Variants in KDM3B observed in about 807,000 individuals in gnomAD.
KDM3B encodes the protein lysine demethylase 3B.
Under a neutral mutation model 170.0 loss-of-function variants are expected in KDM3B, and 10 were observed. That is an observed-to-expected ratio of 0.06 (90% CI 0.04 to 0.10). KDM3B has a LOEUF of 0.10. Among genes scored for constraint, KDM3B ranks in the 10% least tolerant of loss-of-function variants. KDM3B has a pLI of 1.00. For synonymous variants in KDM3B, 831 were observed against 834.8 expected (o/e 1.00, Z 0.08); for missense variants, 1,394 against 2,195.2 (o/e 0.64, Z 7.29).
At chr5:138,392,366 ATC>A in intron 8 of KDM3B, 105 bp downstream of exon 8, 4 of 1,191,712 alleles carry the variant, frequency 3.4e-6, no homozygotes, top group Non-Finnish European at 4.4e-6. Context: ...GAGTTCTGTA[ATC>A]TCATAGAATT....
chr5:138,392,266 T>G lies in KDM3B; in HGVS notation c.2629+5T>G, dbSNP rs1387343192. The G allele has an allele frequency of 6.7e-7, 1 of 1,485,544 alleles. No individual in the cohort carries two copies. Among genetic ancestry groups the G allele is most frequent in the Non-Finnish European group, 9.0e-7 (1 of 1,116,148 alleles). The allele number at this position is 1,485,544 out of a possible 1,614,324, so 92.0% of individuals were successfully genotyped here. A position where few individuals can be genotyped will look rare whatever the true frequency, so the allele number is the denominator to read the frequency against. On this transcript the variant is annotated splice_donor_5th_base_variant and intron_variant, in intron 8 of 23. Transcript: ENST00000314358. ...CTCGGACTGCCCCCCTGAAAGGTGA[T>G]CCTGCTGGGGCTATATTTGGGCTTT... is the stretch of plus-strand genomic sequence containing the variant.
chr5:138,387,219 G>A (rs912461895), intron 7 of KDM3B, among the ~76,000 whole-genome samples: 5 of 152,030 alleles, frequency 3.3e-5, no homozygotes, highest in African/African-American at 1.2e-4. Context: ...TGCATATATT[G>A]TTGCTAAAAT....
chr5:138,408,402 AAG>A (rs1762879513), intron 11 of KDM3B, among the ~76,000 whole-genome samples: 1 of 139,680 alleles, frequency 7.2e-6, no homozygotes, highest in African/African-American at 2.5e-5. Context: ...AAAAAAAAAA[AAG>A]AAAGAAATTG....
chr5:138,435,828 T>A lies in KDM3B; in HGVS notation c.*128T>A, dbSNP rs1580969168. 4 of 700,866 alleles carry A rather than the reference T, an allele frequency of 5.7e-6. No individual in the cohort carries two copies. The highest frequency in any genetic ancestry group is 9.8e-6 in the Non-Finnish European group (4 of 406,466). The allele number at this position is 700,866 out of a possible 1,614,324, so 43.4% of individuals were successfully genotyped here. On this transcript the variant is annotated 3_prime_UTR_variant, in exon 24 of 24. Transcript: ENST00000314358. ...AGCCAGTGTGGTCAGTATTCCAAAC[T>A]CTCCAGCCACTCTCTTCTACGCTGC...
intron 14 of KDM3B, 51 bp downstream of exon 14, chr5:138,419,283 T>C (rs754812178): frequency 6.4e-7 from 1 of 1,559,238 alleles, no homozygotes; most frequent in South Asian, 1.2e-5. Context: ...TCATGAGTTT[T>C]TTCCAGGATT....
chr5:138,413,305 C>T (rs944582639), intron 11 of KDM3B, among the ~76,000 whole-genome samples: 1 of 151,776 alleles, frequency 6.6e-6, no homozygotes, highest in African/African-American at 2.4e-5. Context: ...ATTGCTTGAA[C>T]CGGGGAGGCA....
At chr5:138,416,854 C>T (rs148023826) in intron 12 of KDM3B, among the ~76,000 whole-genome samples, 1 of 152,018 alleles carries the variant, frequency 6.6e-6, no homozygotes, top group Non-Finnish European at 1.5e-5. Flanking sequence ...GGAGTCTCAC[C>T]CTGTTGCCCA....
At chr5:138,423,030 C>T (rs1370244096) in intron 15 of KDM3B, among the ~76,000 whole-genome samples, 1 of 152,140 alleles carries the variant, frequency 6.6e-6, no homozygotes, top group Non-Finnish European at 1.5e-5. Flanking sequence ...GCCTCCACTT[C>T]CCAGGTTCAA....
chr5:138,388,345 A>C (rs540965979), intron 7 of KDM3B, among the ~76,000 whole-genome samples: 160 of 152,104 alleles, frequency 1.1e-3, no homozygotes, highest in Non-Finnish European at 1.9e-3. Flanking sequence ...AAAGTATAGA[A>C]ATGAGCCAGG....
At chr5:138,389,949 T>A (rs751241457) in intron 7 of KDM3B, among the ~76,000 whole-genome samples, 1 of 152,084 alleles carries the variant, frequency 6.6e-6, no homozygotes, top group Non-Finnish European at 1.5e-5. Flanking sequence ...AACCTCCGCC[T>A]CCTGGGTTCA....
At chr5:138,396,311 G>A (rs1361216234) in intron 9 of KDM3B, among the ~76,000 whole-genome samples, 3 of 151,916 alleles carry the variant, frequency 2.0e-5, no homozygotes, top group Admixed American at 6.6e-5. Flanking sequence ...TAGCCAGGAT[G>A]GTCTTGATCT....
At chr5:138,355,103 T>G (rs779565647) in intron 1 of KDM3B, among the ~76,000 whole-genome samples, 2 of 151,912 alleles carry the variant, frequency 1.3e-5, no homozygotes, top group Non-Finnish European at 2.9e-5. Context: ...TGTCTTCCAA[T>G]CAAAAGTGTT....
In KDM3B at chr5:138,426,742, T is replaced by C. The variant is rs182527347; in HGVS notation, c.4412-233T>C. Reference sequence around the variant, plus strand: ...CCCGTCTCTACTAAAAATACAAAAATTAGCCAGGCGTGGTGGTGGTTGCCT... The same window carrying C: ...CCCGTCTCTACTAAAAATACAAAAACTAGCCAGGCGTGGTGGTGGTTGCCT... On this transcript the variant is annotated intron_variant, in intron 17 of 23. Coordinates refer to ENST00000314358, the MANE Select transcript of KDM3B (RefSeq NM_016604.4). The C allele has an allele frequency of 6.1e-5, 26 of 424,010 alleles. No homozygotes were observed. In the East Asian group the frequency reaches 1.0e-3, roughly 17 times the overall value. The allele number at this position is 424,010 out of a possible 1,614,324, so 26.3% of individuals were successfully genotyped here. A position where few individuals can be genotyped will look rare whatever the true frequency, so the allele number is the denominator to read the frequency against.
chr5:138,405,003 A>C (rs1382628868), intron 11 of KDM3B, among the ~76,000 whole-genome samples: 2 of 150,780 alleles, frequency 1.3e-5, no homozygotes, highest in African/African-American at 2.4e-5. Flanking sequence ...AGCCTCCCAA[A>C]GTGCTGGGAT....
Position 138,391,420 on chromosome 5 carries a change from G to A in KDM3B, c.1788G>A (p.Glu596=), listed in dbSNP as rs1450559260. ...CTGTGGACCGGAAAGTGCCTGCAGA[G>A]TCCATGCCCACCCTCACTCCAGCCT... ...GSSVDRKVPA[E]SMPTLTPAFP... Residue 596 remains glutamate, a synonymous_variant, in exon 8 of 24, where the codon GAG becomes GAA. Coordinates refer to ENST00000314358, the MANE Select transcript of KDM3B (RefSeq NM_016604.4). This position sits in a 1 kb window ranked among gnomAD's most constrained non-coding sequence, Gnocchi z 5.0. 2 of 1,613,630 alleles carry A rather than the reference G, an allele frequency of 1.2e-6. No homozygotes were observed. The highest frequency in any genetic ancestry group is 1.6e-4 in the Middle Eastern group (1 of 6,084).
intron 11 of KDM3B, among the ~76,000 whole-genome samples, chr5:138,406,634 G>C (rs1762828725): frequency 6.6e-6 from 1 of 152,048 alleles, no homozygotes; most frequent in Non-Finnish European, 1.5e-5. Flanking sequence ...GTGAAACTCT[G>C]TCTCAATAAA....
chr5:138,429,848 G>A lies in KDM3B; in HGVS notation c.4776G>A (p.Glu1592=), dbSNP rs61750312. The change falls in exon 21 of 24, where the codon GAG becomes GAA. Residue 1592 remains glutamate (E), a synonymous_variant. Transcript: ENST00000314358. ...HDEEVLKTID[E]GDADEVTKQR... is the part of the protein sequence containing the mutation. Reference sequence around the variant, plus strand: ...CAGAGGTACTCAAGACAATTGACGAGGGAGATGCCGATGAGGTGACGAAGC... The same window carrying A: ...CAGAGGTACTCAAGACAATTGACGAAGGAGATGCCGATGAGGTGACGAAGC... 1.7e-3 allele frequency: 2,723 copies of A among 1,614,048 alleles called. 2 individuals are homozygous for A. The highest frequency in any genetic ancestry group is 1.9e-3 in the Non-Finnish European group (2,238 of 1,179,956).
intron 7 of KDM3B, among the ~76,000 whole-genome samples, chr5:138,387,206 A>T (rs1403778621): frequency 2.0e-5 from 3 of 152,250 alleles, no homozygotes; most frequent in East Asian, 1.9e-4. Flanking sequence ...TCTTTATCTG[A>T]TATGCATATA....
At chr5:138,431,893 C>T (rs182765976) in intron 23 of KDM3B, among the ~76,000 whole-genome samples, 11 of 148,466 alleles carry the variant, frequency 7.4e-5, no homozygotes, top group Admixed American at 1.3e-4. Context: ...GCCTGGGCAA[C>T]AGAGCAAGAC....
Sources: gnomAD v4.1 joint callset for allele counts (sites outside exome capture counted in the v4.1 genomes callset) on GRCh38, gnomAD v4.1.1 for gene constraint, Gnocchi (gnomAD v3.1) non-coding constraint, MANE v1.5 for transcripts, NCBI Gene and HGNC (gene_info 2026-07-23, HGNC 2026-07-21) for gene names.